Variants in FBXL5 observed in about 807,000 individuals in gnomAD.
The protein encoded by FBXL5 is F-box and leucine rich repeat protein 5.
FBXL5 carries 26 observed loss-of-function variants against 78.3 expected under a neutral mutation model. The ratio of observed to expected loss-of-function variants is 0.33; its 90% CI spans 0.24 to 0.46. The LOEUF (loss-of-function observed/expected upper bound fraction) is 0.46, where lower values mean the gene tolerates loss of function less well. Ranked by LOEUF, FBXL5 falls within the 20% of genes least tolerant of loss-of-function variation. FBXL5 has a pLI of 1.00. For synonymous variants in FBXL5, 295 were observed against 282.5 expected, an observed-to-expected ratio of 1.04 and a Z score of -0.45; for missense variants, 710 against 829.2, an observed-to-expected ratio of 0.86 and a Z score of 1.77.
At chr4:15,621,767 T>C (rs1241690246) in intron 9 of FBXL5, among the ~76,000 whole-genome samples, 1 of 152,212 alleles carries the variant, frequency 6.6e-6, no homozygotes, top group African/African-American at 2.4e-5. Context: ...AGACCACAAA[T>C]GGCCCTATCT....
intron 1 of FBXL5, among the ~76,000 whole-genome samples, chr4:15,666,883 G>C (rs1302797528): frequency 6.7e-6 from 1 of 148,930 alleles, no homozygotes; most frequent in African/African-American, 2.5e-5. Flanking sequence ...AAAAAAAAAA[G>C]ACAGGCAAAT....
At position 15,625,396 on chromosome 4, in the gene FBXL5, A is replaced by T. The variant is rs568886422; in HGVS notation, c.1706T>A (p.Met569Lys). The change falls in exon 9 of 11, where the codon ATG becomes AAG. Residue 569 changes from methionine to lysine, a missense_variant. Coordinates refer to ENST00000341285, the MANE Select transcript of FBXL5 (RefSeq NM_012161.4). ...TMSSLPESSA[M>K]CRKAARTRLP... The stretch of plus-strand genomic sequence containing the variant: ...TCTAGTCCTTGCTGCTTTTCTACAC[A>T]TTGCAGAAGATTCTGGGAGTGATGA... 27 of 1,614,160 alleles carry T rather than the reference A, an allele frequency of 1.7e-5. No homozygotes were observed. The East Asian group carries it at 5.1e-4, about 31-fold the overall frequency.
chr4:15,626,975 C>A lies in FBXL5; in HGVS notation c.1042-20G>T. On this transcript the variant is annotated intron_variant, in intron 7 of 10. Transcript: ENST00000341285. ...CCTAACCTAAAAGGCAAGAAATTGT[C>A]ACTGTAAAGATCTGCAGAACTTCAG... 1 of 1,554,264 alleles carries A rather than the reference C, an allele frequency of 6.4e-7. No homozygotes were observed. Among genetic ancestry groups the A allele is most frequent in the South Asian group, 1.1e-5 (1 of 87,632 alleles).
At chr4:15,613,508 C>G (rs1722410437) in intron 9 of FBXL5, among the ~76,000 whole-genome samples, 1 of 152,102 alleles carries the variant, frequency 6.6e-6, no homozygotes, top group South Asian at 2.1e-4. Context: ...ATTATTCCCT[C>G]AAATAATATG....
chr4:15,661,347 G>A (rs912343291), upstream of FBXL5, among the ~76,000 whole-genome samples: 5 of 152,140 alleles, frequency 3.3e-5, no homozygotes, highest in African/African-American at 1.2e-4. Context: ...TCTGTAAAGG[G>A]ATAGTGAGTC....
intron 5 of FBXL5, among the ~76,000 whole-genome samples, chr4:15,634,100 A>G (rs1713974865): frequency 6.6e-6 from 1 of 152,204 alleles, no homozygotes; most frequent in African/African-American, 2.4e-5. Flanking sequence ...GATATTTCAA[A>G]TATCCCCTGG....
At chr4:15,647,566 T>TC (rs1288431863) in intron 1 of FBXL5, among the ~76,000 whole-genome samples, 3 of 152,176 alleles carry the variant, frequency 2.0e-5, no homozygotes, top group Non-Finnish European at 2.9e-5. Flanking sequence ...TTGCATATAT[T>TC]CTCATTAGAC....
intron 4 of FBXL5, among the ~76,000 whole-genome samples, chr4:15,637,895 GT>G (rs200999923): frequency 8.1e-6 from 1 of 123,890 alleles, no homozygotes; most frequent in African/African-American, 2.9e-5. Flanking sequence ...TGAGGAACTA[GT>G]TTTTTTAAAA....
upstream of FBXL5, chr4:15,656,379 C>T (rs1716949422): frequency 2.3e-6 from 1 of 440,062 alleles, no homozygotes; most frequent in Non-Finnish European, 4.6e-6. Flanking sequence ...ACAGGGAAGC[C>T]TGAGAACCTT....
chr4:15,638,776 CGAAT>C, intron 3 of FBXL5, 82 bp from the exon 4 acceptor site: 1 of 852,314 alleles, frequency 1.2e-6, no homozygotes, highest in Non-Finnish European at 1.8e-6. Context: ...ATTAATGGCT[CGAAT>C]GTCGTATTAT....
chr4:15,607,074 T>C (rs1488108481), intron 10 of FBXL5, among the ~76,000 whole-genome samples: 3 of 152,324 alleles, frequency 2.0e-5, no homozygotes, highest in Admixed American at 2.0e-4. Flanking sequence ...AAGAAACTAA[T>C]AAACATTACG....
upstream of FBXL5, chr4:15,656,387 C>T (rs1716950383): frequency 9.2e-6 from 4 of 432,562 alleles, no homozygotes; most frequent in South Asian, 6.4e-5. Context: ...GCCTGAGAAC[C>T]TTGGGAGGAA....
chr4:15,635,656 G>A (rs886422026), intron 5 of FBXL5, among the ~76,000 whole-genome samples: 1 of 151,836 alleles, frequency 6.6e-6, no homozygotes, highest in Non-Finnish European at 1.5e-5. Flanking sequence ...GGAAGGCTGA[G>A]GCAGGAGAAT....
chr4:15,641,842 C>G (rs781119496), intron 2 of FBXL5, among the ~76,000 whole-genome samples: 1 of 152,108 alleles, frequency 6.6e-6, no homozygotes, highest in East Asian at 1.9e-4. Context: ...GCCAGCCCAA[C>G]GCGGCGAAAC....
rs186507353 is a variant in FBXL5 at position 15,622,992 on chromosome 4, A to C, written c.1850+2260T>G. On this transcript the variant is annotated intron_variant, in intron 9 of 10. Coordinates refer to ENST00000341285, the MANE Select transcript of FBXL5 (RefSeq NM_012161.4). ...GCAGTAAATTATCCACTTTGTTCTA[A>C]GGTTGATAATATCAGAATTTGTTAA... is the stretch of plus-strand genomic sequence containing the variant. Among the ~76,000 whole-genome samples, 199 of 152,324 alleles carry C rather than the reference A, an allele frequency of 1.3e-3. 2 individuals carry two copies. The highest frequency in any genetic ancestry group is 4.5e-3 in the African/African-American group (189 of 41,572).
At chr4:15,618,680 A>G (rs1005718785) in intron 9 of FBXL5, among the ~76,000 whole-genome samples, 1 of 152,108 alleles carries the variant, frequency 6.6e-6, no homozygotes, top group Non-Finnish European at 1.5e-5. Context: ...CGTCTCCACT[A>G]AAAATACAAA....
chr4:15,656,319 TTAGA>T (rs1560244944), upstream of FBXL5: 3 of 456,116 alleles, frequency 6.6e-6, no homozygotes, highest in African/African-American at 6.0e-5. Context: ...CCGGTCAGTC[TTAGA>T]TTGGTTGGCT....
Position 15,630,800 on chromosome 4 carries a change from T to G in FBXL5, c.767-9A>C. 6.2e-7 allele frequency: 1 copy of G among 1,602,644 alleles called. No individual in the cohort carries two copies. Among genetic ancestry groups the G allele is most frequent in the Non-Finnish European group, 8.5e-7 (1 of 1,179,144 alleles). On this transcript the variant is annotated splice_polypyrimidine_tract_variant and intron_variant, in intron 5 of 10. Transcript: ENST00000341285. Reference sequence around the variant, plus strand: ...ACCACTATACCAGTCACCTACTCAATGAATAAACAAGTAAAAGGTTCAAAA... The same window carrying G: ...ACCACTATACCAGTCACCTACTCAAGGAATAAACAAGTAAAAGGTTCAAAA...
intron 1 of FBXL5, among the ~76,000 whole-genome samples, chr4:15,647,400 T>C (rs980052576): frequency 6.6e-6 from 1 of 152,136 alleles, no homozygotes; most frequent in Non-Finnish European, 1.5e-5. Flanking sequence ...GCAAATACTA[T>C]GCTATTTTAT....
Sources: gnomAD v4.1 joint callset for allele counts (sites outside exome capture counted in the v4.1 genomes callset) on GRCh38, gnomAD v4.1.1 for gene constraint, MANE v1.5 for transcripts, NCBI Gene and HGNC (gene_info 2026-07-23, HGNC 2026-07-21) for gene names.